The following RIDA variants were observed in gnomAD, a reference collection of about 807,000 sequenced individuals.
The protein encoded by RIDA is reactive intermediate imine deaminase A.
A neutral mutation model predicts 17.8 loss-of-function variants in RIDA; 17 were observed. That is an observed-to-expected ratio of 0.96 (90% CI 0.65 to 1.43). The LOEUF (loss-of-function observed/expected upper bound fraction) is 1.43, where lower values mean the gene tolerates loss of function less well. Ranked by LOEUF, RIDA falls within the 40% of genes most tolerant of loss-of-function variation. The pLI is 0.00. For synonymous variants in RIDA, 48 were observed against 55.7 expected, an observed-to-expected ratio of 0.86 and a Z score of 0.62; for missense variants, 158 against 161.7, an observed-to-expected ratio of 0.98 and a Z score of 0.12.
At chr8:98,110,968 C>T (rs888303712) in intron 1 of RIDA, among the ~76,000 whole-genome samples, 44 of 152,276 alleles carry the variant, frequency 2.9e-4, no homozygotes, top group African/African-American at 9.6e-4. Flanking sequence ...CTTCCCCTTC[C>T]GCCATTATTG....
At chr8:98,109,116 C>A (rs1468835737) in intron 1 of RIDA, among the ~76,000 whole-genome samples, 1 of 152,036 alleles carries the variant, frequency 6.6e-6, no homozygotes, top group Non-Finnish European at 1.5e-5. Flanking sequence ...ATTGCTTGAG[C>A]CCAGGAGTTG....
At position 98,117,163 on chromosome 8, in the gene RIDA, T is replaced by C. The variant is rs552407878; in HGVS notation, c.-67A>G. ...CCCAGCACCAGCCCTGCTGGCTTCT[T>C]ACTGGACTGACCAACCACAGCAGCG... On this transcript the variant is annotated 5_prime_UTR_variant, in exon 1 of 6. Transcript: ENST00000254878. 1.9e-3 allele frequency: 2,780 copies of C among 1,473,702 alleles called. 2 individuals are homozygous for C. The highest frequency in any genetic ancestry group is 2.5e-3 in the Non-Finnish European group (2,615 of 1,052,190). 91.3% of individuals were successfully genotyped at this position (1,473,702 alleles called of 1,614,324 possible).
At chr8:98,112,218 A>ACACACACACACG (rs71570291) in intron 1 of RIDA, among the ~76,000 whole-genome samples, 2 of 151,848 alleles carry the variant, frequency 1.3e-5, no homozygotes, top group Non-Finnish European at 2.9e-5. Context: ...ACACACACAC[A>ACACACACACACG]CACACTTTCT....
intron 1 of RIDA, among the ~76,000 whole-genome samples, chr8:98,109,510 C>T (rs1043128279): frequency 2.0e-5 from 3 of 152,126 alleles, no homozygotes; most frequent in Non-Finnish European, 2.9e-5. Context: ...CATACATTGT[C>T]GGTAGTAATG....
intron 1 of RIDA, among the ~76,000 whole-genome samples, chr8:98,112,158 C>T (rs1297924574): frequency 6.7e-6 from 1 of 149,878 alleles, no homozygotes; most frequent in Non-Finnish European, 1.5e-5. Context: ...GTCACCATTG[C>T]TTCTGATATT....
rs1815669910 is a variant in RIDA at position 98,108,725 on chromosome 8, A to G, written c.92T>C (p.Ile31Thr). The change falls in exon 2 of 6, where the codon ATT (isoleucine) becomes ACT (threonine). Residue 31 changes from isoleucine (I) to threonine (T), a missense_variant. By Grantham distance (89) the Ile-to-Thr change is moderately conservative (BLOSUM62 -1). Coordinates refer to ENST00000254878, the MANE Select transcript of RIDA (RefSeq NM_005836.3). ...YSQAVLVDRT[I>T]YISGQIGMDP... The stretch of plus-strand genomic sequence containing the variant: ...CATGCCTATCTGTCCTGAAATGTAA[A>G]TGGTCCTGTCGACTAATACAGCTTG... The G allele has an allele frequency of 6.2e-7, 1 of 1,613,142 alleles. No individual in the cohort carries two copies. Among genetic ancestry groups the G allele is most frequent in the East Asian group, 2.2e-5 (1 of 44,870 alleles).
chr8:98,102,707 T>C lies in RIDA; in HGVS notation c.*135A>G. ...TCAACTCTCCCTATTACATGGTATT[T>C]CCATAATAGCTTCAGATATTTTCAT... On this transcript the variant is annotated 3_prime_UTR_variant, in exon 6 of 6. Transcript: ENST00000254878. The C allele has an allele frequency of 1.6e-6, 1 of 627,612 alleles. No homozygotes were observed. Among genetic ancestry groups the C allele is most frequent in the East Asian group, 2.6e-5 (1 of 38,414 alleles). The allele number at this position is 627,612 out of a possible 1,614,324, so 38.9% of individuals were successfully genotyped here.
At chr8:98,103,699 C>T (rs142199356) in intron 5 of RIDA, among the ~76,000 whole-genome samples, 2,337 of 151,680 alleles carry the variant, frequency 0.015, 65 homozygotes, top group African/African-American at 0.052. Flanking sequence ...TGCAGTGGCG[C>T]GATTTCGGCT....
rs1480667782 is a variant in RIDA at position 98,115,244 on chromosome 8, C to T, written c.65+1788G>A. 2.6e-5 allele frequency among the ~76,000 whole-genome samples: 4 copies of T among 151,722 alleles called. No individual in the cohort carries two copies. The East Asian group carries it at 7.8e-4, about 29-fold the overall frequency. ...CTCTACTAAAAATACAAAAATTAGC[C>T]GGGTGTGGTGGCACCTGCCTGTAAT... On this transcript the variant is annotated intron_variant, in intron 1 of 5. Coordinates refer to ENST00000254878, the MANE Select transcript of RIDA (RefSeq NM_005836.3).
chr8:98,105,536 GA>G (rs1815621405), intron 4 of RIDA, among the ~76,000 whole-genome samples: 1 of 152,094 alleles, frequency 6.6e-6, no homozygotes, highest in Admixed American at 6.5e-5. Flanking sequence ...TTGCATATGA[GA>G]AAACCAAGGC....
chr8:98,106,450 A>T, intron 2 of RIDA, 124 bp from the exon 3 acceptor site: 1 of 754,428 alleles, frequency 1.3e-6, no homozygotes. Context: ...AATCCTCCCT[A>T]CTCGCTTACA....
chr8:98,111,022 A>G (rs190797518), intron 1 of RIDA, among the ~76,000 whole-genome samples: 2 of 152,326 alleles, frequency 1.3e-5, no homozygotes, highest in East Asian at 1.9e-4. Flanking sequence ...CAGTGAGTCA[A>G]TTAAGCCTCT....
intron 2 of RIDA, 91 bp from the exon 3 acceptor site, chr8:98,106,417 T>C: frequency 9.0e-7 from 1 of 1,110,452 alleles, no homozygotes; most frequent in African/African-American, 1.6e-5. Flanking sequence ...TAATACCTCC[T>C]TAAATAGCCT....
At chr8:98,112,941 C>G (rs1011393883) in intron 1 of RIDA, among the ~76,000 whole-genome samples, 2 of 152,144 alleles carry the variant, frequency 1.3e-5, no homozygotes, top group Non-Finnish European at 2.9e-5. Flanking sequence ...TCTTACAGAT[C>G]TAAAGAGGTT....
chr8:98,104,527 G>C lies in RIDA; in HGVS notation c.313C>G (p.Pro105Ala). 6.3e-7 allele frequency: 1 copy of C among 1,587,712 alleles called. No individual in the cohort carries two copies. The highest frequency in any genetic ancestry group is 8.6e-7 in the Non-Finnish European group (1 of 1,157,240). The change falls in exon 5 of 6, where the codon CCT becomes GCT. Residue 105 changes from proline (P) to alanine (A), a missense_variant. Pro to Ala is a conservative substitution (Grantham distance 27). Coordinates refer to ENST00000254878, the MANE Select transcript of RIDA (RefSeq NM_005836.3). ...IYKQYFKSNF[P>A]ARAAYQVAAL... ...GCAACTTGGTAAGCAGCTCTAGCAG[G>C]AAAATTACTCTTGAAATCTGAATTT...
chr8:98,107,388 G>A (rs1815646725), intron 2 of RIDA, among the ~76,000 whole-genome samples: 1 of 152,024 alleles, frequency 6.6e-6, no homozygotes. Flanking sequence ...GCCAGGTGTG[G>A]TGGCGTGTGC....
chr8:98,115,638 A>G (rs1461804574), intron 1 of RIDA, among the ~76,000 whole-genome samples: 1 of 151,440 alleles, frequency 6.6e-6, no homozygotes, highest in Non-Finnish European at 1.5e-5. Context: ...CAATCCTCTT[A>G]CCTCGGCCTC....
chr8:98,110,407 G>T (rs568235018), intron 1 of RIDA, among the ~76,000 whole-genome samples: 2 of 152,158 alleles, frequency 1.3e-5, no homozygotes, highest in African/African-American at 4.8e-5. Flanking sequence ...TTACAGGTGT[G>T]AGCCACCACG....
chr8:98,103,649 T>G (rs1815590560), intron 5 of RIDA, among the ~76,000 whole-genome samples: 1 of 152,050 alleles, frequency 6.6e-6, no homozygotes, highest in African/African-American at 2.4e-5. Context: ...CAATTTTTTT[T>G]TTTTTGTGAT....
Sources: allele counts gnomAD v4.1 joint callset (sites outside exome capture counted in the v4.1 genomes callset), GRCh38; gene constraint gnomAD v4.1.1; transcripts MANE v1.5; gene names NCBI Gene and HGNC (gene_info 2026-07-23, HGNC 2026-07-21).